The following EPB41L3 variants were observed in gnomAD, a reference collection of about 807,000 sequenced individuals.
The protein encoded by EPB41L3 is erythrocyte membrane protein band 4.1 like 3.
A neutral mutation model predicts 127.1 loss-of-function variants in EPB41L3; 57 were observed. The observed-to-expected ratio is 0.45, with a 90% confidence interval of 0.36 to 0.56. EPB41L3 has a LOEUF of 0.56. Ranked by LOEUF, EPB41L3 falls within the 20% of genes least tolerant of loss-of-function variation. The pLI is 0.00. For missense variants in EPB41L3, 1,273 were observed against 1,372.2 expected (o/e 0.93, Z 1.14); for synonymous variants, 572 against 549.5 (o/e 1.04, Z -0.57).
chr18:5,397,217 G>C lies in EPB41L3; in HGVS notation c.2682C>G (p.Gly894=). The C allele has an allele frequency of 6.2e-7, 1 of 1,614,138 alleles. No individual in the cohort carries two copies. The highest frequency in any genetic ancestry group is 2.2e-5 in the East Asian group (1 of 44,864). ...PAFTGIKGKE[G]SALTEGAKEE... The stretch of plus-strand genomic sequence containing the variant: ...CTTTAGCCCCCTCCGTCAAGGCAGA[G>C]CCCTCTTTCCCTTTAATGCCTGTGA... The change falls in exon 18 of 23, where the codon GGC becomes GGG. Residue 894 remains glycine, a synonymous_variant. Transcript: ENST00000341928. This position sits in a 1 kb window ranked among gnomAD's most constrained non-coding sequence, Gnocchi z 4.1.
intron 8 of EPB41L3, among the ~76,000 whole-genome samples, chr18:5,432,651 C>T (rs970196648): frequency 6.6e-6 from 1 of 152,168 alleles, no homozygotes; most frequent in Non-Finnish European, 1.5e-5. Context: ...TCTACCACTA[C>T]TGAAAAGTAC....
intron 1 of EPB41L3, among the ~76,000 whole-genome samples, chr18:5,535,827 G>A (rs1199167667): frequency 2.0e-5 from 3 of 152,232 alleles, no homozygotes; most frequent in Admixed American, 6.5e-5. Context: ...CATAAAATCT[G>A]TGAATGGAAT....
intron 3 of EPB41L3, among the ~76,000 whole-genome samples, chr18:5,454,254 G>A (rs972939375): frequency 4.2e-5 from 6 of 144,532 alleles, no homozygotes; most frequent in Non-Finnish European, 7.5e-5. Flanking sequence ...ATGCCAAAGC[G>A]CCGTGGTCAA....
chr18:5,401,117 TTC>T (rs1386322004), intron 16 of EPB41L3: 4 of 809,056 alleles, frequency 4.9e-6, no homozygotes, highest in Middle Eastern at 4.5e-4. Context: ...AGGAAGGGAG[TTC>T]TTTCATTGTA....
chr18:5,446,720 A>G (rs959442045), intron 3 of EPB41L3, among the ~76,000 whole-genome samples: 1 of 152,214 alleles, frequency 6.6e-6, no homozygotes, highest in African/African-American at 2.4e-5. Context: ...TAGAAAAGTA[A>G]GGCCTAAATC....
intron 1 of EPB41L3, among the ~76,000 whole-genome samples, chr18:5,506,261 A>G (rs1471585163): frequency 6.6e-6 from 1 of 152,028 alleles, no homozygotes; most frequent in African/African-American, 2.4e-5. Context: ...TTGGCTCAAA[A>G]TCCTCCAATG....
At chr18:5,462,879 G>A (rs956924811) in intron 3 of EPB41L3, among the ~76,000 whole-genome samples, 2 of 152,134 alleles carry the variant, frequency 1.3e-5, no homozygotes, top group South Asian at 4.1e-4. Context: ...TCATATTCCA[G>A]GCACTTTAAA....
chr18:5,601,767 A>G (rs993337929), intron 3 of EPB41L3, among the ~76,000 whole-genome samples: 3 of 152,214 alleles, frequency 2.0e-5, no homozygotes, highest in Non-Finnish European at 4.4e-5. Flanking sequence ...TATGAAAAAC[A>G]AATTTTCTTT....
In EPB41L3 at chr18:5,543,038, A is replaced by T. The variant is rs1251898353; in HGVS notation, c.-12+875T>A. ...CCTTCGCAGACACCTCCCGAGGAGA[A>T]TCGCGGCCCCGAGGGCGCCAGGTGA... On this transcript the variant is annotated intron_variant, in intron 1 of 22. Coordinates refer to ENST00000341928, the MANE Select transcript of EPB41L3 (RefSeq NM_012307.5). This position sits in a 1 kb window ranked among gnomAD's most constrained non-coding sequence, Gnocchi z 5.2. Among the ~76,000 whole-genome samples the T allele has an allele frequency of 6.6e-6, 1 of 152,050 alleles. No individual in the cohort carries two copies. Among genetic ancestry groups the T allele is most frequent in the Non-Finnish European group, 1.5e-5 (1 of 67,988 alleles).
At chr18:5,540,225 T>C in intron 1 of EPB41L3, 1 of 453,852 alleles carries the variant, frequency 2.2e-6, no homozygotes, top group Non-Finnish European at 2.9e-6. Context: ...TTCAGTGCTT[T>C]CTACTATTTC....
chr18:5,621,938 T>C (rs1599376961), intron 1 of EPB41L3, among the ~76,000 whole-genome samples: 1 of 152,200 alleles, frequency 6.6e-6, no homozygotes, highest in East Asian at 1.9e-4. Context: ...TCTGCTTGAA[T>C]GATACAGATA....
intron 9 of EPB41L3, among the ~76,000 whole-genome samples, chr18:5,427,638 A>T (rs2078379342): frequency 6.6e-6 from 1 of 152,244 alleles, no homozygotes; most frequent in Non-Finnish European, 1.5e-5. Flanking sequence ...TTAAAGTACA[A>T]CCAGATTTGC....
intron 3 of EPB41L3, among the ~76,000 whole-genome samples, chr18:5,556,330 T>G (rs1442429313): frequency 6.6e-6 from 1 of 152,228 alleles, no homozygotes; most frequent in Non-Finnish European, 1.5e-5. Context: ...CTCAAATATT[T>G]ATCAATATCC....
At chr18:5,551,484 G>A (rs1481786539) in intron 3 of EPB41L3, among the ~76,000 whole-genome samples, 1 of 152,120 alleles carries the variant, frequency 6.6e-6, no homozygotes, top group African/African-American at 2.4e-5. Context: ...CAGCACTTTG[G>A]GAGGCCGAGG....
At position 5,416,114 on chromosome 18, in the gene EPB41L3, G is replaced by T; in HGVS notation, c.1771C>A (p.Gln591Lys). The T allele has an allele frequency of 1.2e-6, 2 of 1,612,804 alleles. No homozygotes were observed. Among genetic ancestry groups the T allele is most frequent in the South Asian group, 2.2e-5 (2 of 90,940 alleles). ...KGTTLFSFSL[Q>K]LPESFPSLLD... ...AGGGAGGGGAATGACTCAGGGAGCT[G>T]CAAGGAGAAGGAGAACAGGGTGGTC... Residue 591 changes from glutamine (Q) to lysine (K), a missense_variant, in exon 13 of 23, where the codon CAG becomes AAG. Around this residue, in one of 3 missense-constraint regions of EPB41L3, gnomAD observed 765 missense variants for 782.9 expected, o/e 0.98. Transcript: ENST00000341928.
At position 5,397,530 on chromosome 18, in the gene EPB41L3, T is replaced by C; in HGVS notation, c.2473-104A>G. ...CAGGATGTCTAAAGCCAGCAGCAAG[T>C]GCTTATAACCAGAAACACTGACGAA... On this transcript the variant is annotated intron_variant, in intron 17 of 22. Coordinates refer to ENST00000341928, the MANE Select transcript of EPB41L3 (RefSeq NM_012307.5). The surrounding 1 kb of genome is among the most constrained non-coding windows in gnomAD (Gnocchi z 4.1). 2.2e-6 allele frequency: 3 copies of C among 1,377,614 alleles called. No homozygotes were observed. The highest frequency in any genetic ancestry group is 2.3e-5 in the East Asian group (1 of 42,986). The allele number at this position is 1,377,614 out of a possible 1,614,324, so 85.3% of individuals were successfully genotyped here.
At chr18:5,616,350 A>C (rs2094794982) in intron 1 of EPB41L3, among the ~76,000 whole-genome samples, 1 of 152,150 alleles carries the variant, frequency 6.6e-6, no homozygotes, top group Non-Finnish European at 1.5e-5. Context: ...CCAGTCTCCC[A>C]GTCAAAATCA....
At chr18:5,519,375 G>C (rs974740952) in intron 1 of EPB41L3, among the ~76,000 whole-genome samples, 3 of 152,146 alleles carry the variant, frequency 2.0e-5, no homozygotes, top group African/African-American at 7.2e-5. Flanking sequence ...TTGGACCTCA[G>C]TTACTCCCCA....
At chr18:5,456,944 G>C (rs2083182728) in intron 3 of EPB41L3, among the ~76,000 whole-genome samples, 1 of 152,346 alleles carries the variant, frequency 6.6e-6, no homozygotes, top group Admixed American at 6.5e-5. Flanking sequence ...GGAGCAGCAG[G>C]GAGGCGCGCT....
Sources: gnomAD v4.1 joint callset for allele counts (sites outside exome capture counted in the v4.1 genomes callset) on GRCh38, gnomAD v4.1.1 for gene constraint, gnomAD v4.1.1 regional missense constraint, Gnocchi (gnomAD v3.1) non-coding constraint, MANE v1.5 for transcripts, NCBI Gene and HGNC (gene_info 2026-07-23, HGNC 2026-07-21) for gene names.